The following PTPRD variants were observed in gnomAD, a reference collection of about 807,000 sequenced individuals.
PTPRD encodes the protein protein tyrosine phosphatase receptor type D.
A neutral mutation model predicts 214.5 loss-of-function variants in PTPRD; 34 were observed. That is an observed-to-expected ratio of 0.16 (90% CI 0.12 to 0.21). The LOEUF (loss-of-function observed/expected upper bound fraction) is 0.21. PTPRD is among the 10% of genes least tolerant of loss of function. PTPRD has a pLI of 1.00. For synonymous variants in PTPRD, 1,128 were observed against 845.7 expected, an observed-to-expected ratio of 1.33 and a Z score of -5.79; for missense variants, 2,545 against 2,398.7, an observed-to-expected ratio of 1.06 and a Z score of -1.27.
intron 2 of PTPRD, among the ~76,000 whole-genome samples, chr9:10,525,106 G>C (rs2053837242): frequency 6.6e-6 from 1 of 151,648 alleles, no homozygotes. Flanking sequence ...TATTTTGACA[G>C]TTCTTTTATT....
At chr9:9,633,018 G>C (rs1461719733) in intron 7 of PTPRD, among the ~76,000 whole-genome samples, 1 of 152,138 alleles carries the variant, frequency 6.6e-6, no homozygotes, top group Non-Finnish European at 1.5e-5. Flanking sequence ...TAGCTGGCTA[G>C]GCATGGTGGT....
chr9:10,537,088 G>C (rs996977788), intron 2 of PTPRD, among the ~76,000 whole-genome samples: 3 of 152,042 alleles, frequency 2.0e-5, no homozygotes, highest in African/African-American at 2.4e-5. Context: ...CTCCTTTTTA[G>C]AGATAAATAA....
At chr9:10,177,334 G>T (rs1260066291) in intron 3 of PTPRD, among the ~76,000 whole-genome samples, 1 of 151,560 alleles carries the variant, frequency 6.6e-6, no homozygotes, top group Non-Finnish European at 1.5e-5. Flanking sequence ...TGGCACAGAT[G>T]AAGAGGACAA....
chr9:9,652,348 T>A (rs1319647357), intron 7 of PTPRD, among the ~76,000 whole-genome samples: 1 of 152,206 alleles, frequency 6.6e-6, no homozygotes, highest in Non-Finnish European at 1.5e-5. Flanking sequence ...CTGAAACTTA[T>A]CATTGGCATT....
intron 9 of PTPRD, among the ~76,000 whole-genome samples, chr9:9,254,460 T>C (rs1442666997): frequency 6.6e-6 from 1 of 152,054 alleles, no homozygotes; most frequent in Non-Finnish European, 1.5e-5. Context: ...AAAGAAGAGG[T>C]ATAGTTTTAT....
At chr9:9,602,513 A>C (rs2093847760) in intron 7 of PTPRD, among the ~76,000 whole-genome samples, 1 of 152,110 alleles carries the variant, frequency 6.6e-6, no homozygotes, top group South Asian at 2.1e-4. Flanking sequence ...TTATATCTAA[A>C]AGAATAAGAG....
At chr9:10,216,083 T>C (rs1426300296) in intron 3 of PTPRD, among the ~76,000 whole-genome samples, 1 of 152,050 alleles carries the variant, frequency 6.6e-6, no homozygotes, top group African/African-American at 2.4e-5. Context: ...ATTTTCCCTT[T>C]AGATTTTTCC....
intron 7 of PTPRD, among the ~76,000 whole-genome samples, chr9:9,575,150 T>C (rs2154304689): frequency 6.6e-6 from 1 of 152,302 alleles, no homozygotes; most frequent in East Asian, 1.9e-4. Context: ...CATCCCGATA[T>C]ATACATGTGC....
intron 3 of PTPRD, among the ~76,000 whole-genome samples, chr9:10,038,142 T>C (rs1417695940): frequency 6.6e-6 from 1 of 152,140 alleles, no homozygotes; most frequent in Admixed American, 6.6e-5. Context: ...CTGATTTCCA[T>C]GATGCTACTT....
chr9:8,809,862 G>T (rs543107287), intron 11 of PTPRD, among the ~76,000 whole-genome samples: 1 of 152,226 alleles, frequency 6.6e-6, no homozygotes, highest in South Asian at 2.1e-4. Context: ...TCTTCACCAG[G>T]AATATCAAGG....
chr9:9,488,878 G>A (rs550732380), intron 8 of PTPRD, among the ~76,000 whole-genome samples: 165 of 152,146 alleles, frequency 1.1e-3, no homozygotes, highest in Non-Finnish European at 2.0e-3. Flanking sequence ...GATTGCAAGA[G>A]TCAGGATGGG....
chr9:10,250,469 T>C (rs1026590697), intron 3 of PTPRD, among the ~76,000 whole-genome samples: 5 of 152,086 alleles, frequency 3.3e-5, no homozygotes, highest in Non-Finnish European at 5.9e-5. Flanking sequence ...TAACATCAGA[T>C]CAAATTTGGA....
At chr9:10,266,344 A>G (rs2094057390) in intron 3 of PTPRD, among the ~76,000 whole-genome samples, 1 of 152,216 alleles carries the variant, frequency 6.6e-6, no homozygotes, top group African/African-American at 2.4e-5. Context: ...TTTTAAATGT[A>G]GCCCTTCATA....
At chr9:9,788,776 A>C (rs1350143538) in intron 5 of PTPRD, among the ~76,000 whole-genome samples, 1 of 152,008 alleles carries the variant, frequency 6.6e-6, no homozygotes, top group Non-Finnish European at 1.5e-5. Context: ...ATCTGGCCAT[A>C]TTTTAAAGAA....
rs376111093 is a variant in PTPRD, at chr9:9,347,108, C to T, written c.-203+50341G>A. ...CTTGAGCCTGGGAGGTTGAGGCTGC[C>T]GTAAGCTGTGGTCTTACTACAATGC... On this transcript the variant is annotated intron_variant, in intron 9 of 45. Transcript: ENST00000381196. 1.2e-4 allele frequency among the ~76,000 whole-genome samples: 18 copies of T among 152,100 alleles called. No homozygotes were observed. In the East Asian group the frequency reaches 3.3e-3, roughly 28 times the overall value.
intron 10 of PTPRD, among the ~76,000 whole-genome samples, chr9:9,019,890 T>G (rs928989087): frequency 9.2e-5 from 14 of 152,194 alleles, no homozygotes; most frequent in Admixed American, 7.9e-4. Context: ...CACTTTTTTT[T>G]TCTTTTTGGA....
intron 2 of PTPRD, among the ~76,000 whole-genome samples, chr9:10,559,656 T>C (rs1028182430): frequency 1.3e-5 from 2 of 151,788 alleles, no homozygotes; most frequent in African/African-American, 4.8e-5. Context: ...CACAACCTAC[T>C]CACCTGAAAA....
At chr9:9,258,455 T>G (rs1239357842) in intron 9 of PTPRD, among the ~76,000 whole-genome samples, 1 of 151,856 alleles carries the variant, frequency 6.6e-6, no homozygotes, top group Non-Finnish European at 1.5e-5. Context: ...CAACAGCCAT[T>G]GAGGATGCGA....
At chr9:10,054,822 C>G (rs969054963) in intron 3 of PTPRD, among the ~76,000 whole-genome samples, 1 of 152,050 alleles carries the variant, frequency 6.6e-6, no homozygotes, top group Non-Finnish European at 1.5e-5. Context: ...GAAAGTCATC[C>G]TGGCCCTTAT....
Sources: allele counts gnomAD v4.1 joint callset (sites outside exome capture counted in the v4.1 genomes callset), GRCh38; gene constraint gnomAD v4.1.1; transcripts MANE v1.5; gene names NCBI Gene and HGNC (gene_info 2026-07-23, HGNC 2026-07-21).